GRIK2: variants seen among roughly 807,000 people sequenced by gnomAD.
GRIK2 encodes glutamate ionotropic receptor kainate type subunit 2.
Under a neutral mutation model 100.3 loss-of-function variants are expected in GRIK2, and 32 were observed. The observed-to-expected ratio is 0.32, with a 90% CI of 0.24 to 0.43. GRIK2 has a LOEUF of 0.43. Ranked by LOEUF, GRIK2 falls within the 20% of genes least tolerant of loss-of-function variation. GRIK2 has a pLI of 1.00. For missense variants in GRIK2, 843 were observed against 1,114.9 expected, an observed-to-expected ratio of 0.76 and a Z score of 3.47; for synonymous variants, 417 against 389.4, an observed-to-expected ratio of 1.07 and a Z score of -0.83.
At chr6:101,978,141 C>T (rs1338541529) in intron 14 of GRIK2, among the ~76,000 whole-genome samples, 1 of 151,894 alleles carries the variant, frequency 6.6e-6, no homozygotes, top group East Asian at 2.0e-4. Flanking sequence ...CAGGTGGCTT[C>T]TGATCTTCAT....
chr6:101,762,146 C>T (rs1441508456), intron 7 of GRIK2, among the ~76,000 whole-genome samples: 1 of 140,438 alleles, frequency 7.1e-6, no homozygotes, highest in Non-Finnish European at 1.5e-5. Flanking sequence ...CCCTCCCTTC[C>T]TCTTCCTCTG....
At chr6:101,935,529 T>A (rs1163724667) in intron 14 of GRIK2, among the ~76,000 whole-genome samples, 1 of 151,836 alleles carries the variant, frequency 6.6e-6, no homozygotes, top group East Asian at 1.9e-4. Flanking sequence ...CTTGGGAGAA[T>A]TGTACATGAG....
At chr6:101,521,437 T>C in intron 2 of GRIK2, among the ~76,000 whole-genome samples, 1 of 151,968 alleles carries the variant, frequency 6.6e-6, no homozygotes, top group Non-Finnish European at 1.5e-5. Context: ...ATTAACCATT[T>C]AAAGCATGTT....
intron 4 of GRIK2, among the ~76,000 whole-genome samples, chr6:101,635,959 T>C (rs1233029159): frequency 1.3e-5 from 2 of 152,156 alleles, no homozygotes; most frequent in South Asian, 2.1e-4. Context: ...CTCAAGGATC[T>C]AGAACCAGAA....
At chr6:101,507,274 A>T (rs1774072512) in intron 2 of GRIK2, among the ~76,000 whole-genome samples, 1 of 152,134 alleles carries the variant, frequency 6.6e-6, no homozygotes, top group South Asian at 2.1e-4. Flanking sequence ...ATTTTAATAG[A>T]TGTGCTAATC....
At chr6:101,758,089 G>A (rs1212418128) in intron 7 of GRIK2, among the ~76,000 whole-genome samples, 3 of 152,122 alleles carry the variant, frequency 2.0e-5, no homozygotes, top group Admixed American at 2.0e-4. Context: ...CTGGTGTGAT[G>A]GTGAGCACCT....
At chr6:101,864,881 A>T (rs1166666103) in intron 11 of GRIK2, among the ~76,000 whole-genome samples, 1 of 152,176 alleles carries the variant, frequency 6.6e-6, no homozygotes, top group Admixed American at 6.5e-5. Context: ...ACCCCATTAG[A>T]ATTGTGTGGA....
chr6:101,928,419 T>C lies in GRIK2; in HGVS notation c.1872T>C (p.Ser624=). ...FGVGALMQQG[S]ELMPKALSTR... The stretch of plus-strand genomic sequence containing the variant: ...CTTTCCCCCACTCTCTGTTAGGTTC[T>C]GAGCTCATGCCCAAAGCACTGTCCA... Residue 624 remains serine, a synonymous_variant, in exon 14 of 17, where the codon TCT becomes TCC. Transcript: ENST00000369134. The C allele has an allele frequency of 6.4e-7, 1 of 1,551,796 alleles. No homozygotes were observed. The highest frequency in any genetic ancestry group is 8.9e-7 in the Non-Finnish European group (1 of 1,123,230).
chr6:101,539,872 T>C lies in GRIK2; in HGVS notation c.116-82077T>C, dbSNP rs1477633473. 1.3e-5 allele frequency among the ~76,000 whole-genome samples: 2 copies of C among 151,850 alleles called. 1 individual carries two copies. Among genetic ancestry groups the C allele is most frequent in the Non-Finnish European group, 2.9e-5 (2 of 67,832 alleles). ...GGCAGCAACTTTATTTAGAAGTTTC[T>C]TCTCATGCCTCAGTTTTGTCGCAGC... On this transcript the variant is annotated intron_variant, in intron 2 of 16. Coordinates refer to ENST00000369134, the MANE Select transcript of GRIK2 (RefSeq NM_021956.5).
intron 2 of GRIK2, among the ~76,000 whole-genome samples, chr6:101,412,714 C>T (rs1424574634): frequency 2.0e-5 from 3 of 152,054 alleles, no homozygotes; most frequent in Middle Eastern, 3.4e-3. Flanking sequence ...CAGTGGTGTG[C>T]AGTTCTCTGG....
intron 15 of GRIK2, among the ~76,000 whole-genome samples, chr6:102,052,622 G>A (rs968241206): frequency 2.6e-5 from 4 of 152,080 alleles, no homozygotes; most frequent in Admixed American, 2.0e-4. Flanking sequence ...CAGTGCAGTT[G>A]GTGCATATAG....
At chr6:101,464,549 A>C (rs1243506293) in intron 2 of GRIK2, among the ~76,000 whole-genome samples, 3 of 95,580 alleles carry the variant, frequency 3.1e-5, no homozygotes, top group Admixed American at 1.8e-4. Context: ...ACAGAGTCTC[A>C]CTCTGTCGCC....
chr6:101,659,990 T>C (rs1769493794), intron 4 of GRIK2, among the ~76,000 whole-genome samples: 1 of 152,190 alleles, frequency 6.6e-6, no homozygotes, highest in Non-Finnish European at 1.5e-5. Flanking sequence ...TGGTGTTCTC[T>C]GTGTTTCCTG....
At position 101,418,890 on chromosome 6, in the gene GRIK2, C is replaced by T. The variant is rs542591410; in HGVS notation, c.115+19498C>T. Among the ~76,000 whole-genome samples the T allele has an allele frequency of 2.0e-5, 3 of 152,240 alleles. No individual in the cohort carries two copies. The East Asian group carries it at 5.8e-4, about 29-fold the overall frequency. ...CTCATTTATTTGAAAGCCCCAGTAG[C>T]AGGGTCACTATGACATGGCGAGAGG... On this transcript the variant is annotated intron_variant, in intron 2 of 16. Coordinates refer to ENST00000369134, the MANE Select transcript of GRIK2 (RefSeq NM_021956.5).
intron 2 of GRIK2, among the ~76,000 whole-genome samples, chr6:101,569,841 G>A (rs1777449418): frequency 6.6e-6 from 1 of 151,896 alleles, no homozygotes; most frequent in South Asian, 2.1e-4. Context: ...TCCTCTGCCT[G>A]GATATATTTA....
chr6:101,968,079 G>A (rs896967898), intron 14 of GRIK2, among the ~76,000 whole-genome samples: 2 of 151,858 alleles, frequency 1.3e-5, no homozygotes, highest in Non-Finnish European at 2.9e-5. Context: ...CCCTTCTCCA[G>A]TAATACAATT....
intron 2 of GRIK2, among the ~76,000 whole-genome samples, chr6:101,463,063 A>C (rs914094553): frequency 6.6e-5 from 10 of 152,218 alleles, no homozygotes; most frequent in African/African-American, 2.4e-4. Flanking sequence ...TAAAGATTTC[A>C]GACACTTATC....
intron 2 of GRIK2, among the ~76,000 whole-genome samples, chr6:101,503,432 A>C (rs1002246327): frequency 6.6e-5 from 10 of 152,118 alleles, no homozygotes; most frequent in African/African-American, 2.4e-4. Flanking sequence ...GACAATTTTA[A>C]ATAATATGTC....
intron 7 of GRIK2, among the ~76,000 whole-genome samples, chr6:101,699,178 G>C (rs1374093460): frequency 6.6e-6 from 1 of 152,058 alleles, no homozygotes; most frequent in African/African-American, 2.4e-5. Context: ...CCAGACCTGG[G>C]GTCCTGGTAT....
Sources: gnomAD v4.1 joint callset for allele counts (sites outside exome capture counted in the v4.1 genomes callset) on GRCh38, gnomAD v4.1.1 for gene constraint, MANE v1.5 for transcripts, NCBI Gene and HGNC (gene_info 2026-07-23, HGNC 2026-07-21) for gene names.